Variants in COL6A6 observed in about 807,000 individuals in gnomAD.
COL6A6 encodes the protein collagen type VI alpha 6 chain.
Under a neutral mutation model 208.6 loss-of-function variants are expected in COL6A6, and 183 were observed. That is an observed-to-expected ratio of 0.88 (90% CI 0.78 to 0.99). The LOEUF (loss-of-function observed/expected upper bound fraction) is 0.99, where lower values mean the gene tolerates loss of function less well. COL6A6 is among the 50% of genes least tolerant of loss of function. The pLI, the probability that COL6A6 is intolerant of heterozygous loss-of-function variation, is 0.00. For synonymous variants in COL6A6, 973 were observed against 1,011.8 expected (o/e 0.96, Z 0.73); for missense variants, 2,816 against 2,815.2 (o/e 1.00, Z -0.01).
At chr3:130,622,584 G>A (rs908289383) in intron 24 of COL6A6, among the ~76,000 whole-genome samples, 2 of 152,114 alleles carry the variant, frequency 1.3e-5, no homozygotes, top group East Asian at 1.9e-4. Flanking sequence ...TGAGCCGGGC[G>A]TGGTGGCTCA....
chr3:130,642,243 A>ATATGTG (rs1429867274), intron 29 of COL6A6, among the ~76,000 whole-genome samples: 3 of 142,100 alleles, frequency 2.1e-5, no homozygotes, highest in African/African-American at 7.9e-5. Context: ...GACAGATTAT[A>ATATGTG]TGTGTGTGTG....
intron 23 of COL6A6, among the ~76,000 whole-genome samples, chr3:130,617,896 A>G (rs1380173605): frequency 2.6e-5 from 4 of 152,144 alleles, no homozygotes; most frequent in African/African-American, 7.2e-5. Flanking sequence ...CCCAAGTGCA[A>G]TCTCTTCTGA....
At chr3:130,612,109 G>A (rs983654529) in intron 23 of COL6A6, among the ~76,000 whole-genome samples, 5 of 152,102 alleles carry the variant, frequency 3.3e-5, no homozygotes, top group Non-Finnish European at 7.4e-5. Context: ...CAAAGGACAT[G>A]ATCTTGTTCT....
chr3:130,539,085 G>A (rs901284200), intron 1 of COL6A6, among the ~76,000 whole-genome samples: 3 of 152,148 alleles, frequency 2.0e-5, no homozygotes, highest in Admixed American at 1.3e-4. Flanking sequence ...TTTGGTGCTT[G>A]AGATTGTCTC....
At chr3:130,639,707 A>AT in intron 28 of COL6A6, among the ~76,000 whole-genome samples, 1 of 152,048 alleles carries the variant, frequency 6.6e-6, no homozygotes, top group East Asian at 1.9e-4. Flanking sequence ...AAAAAAAAAA[A>AT]AAATGACTGA....
intron 20 of COL6A6, among the ~76,000 whole-genome samples, chr3:130,604,351 C>T (rs1472576962): frequency 1.3e-5 from 2 of 152,014 alleles, no homozygotes; most frequent in African/African-American, 4.8e-5. Context: ...AAAAATTAGC[C>T]GGGCGTGGTG....
At chr3:130,605,884 C>T (rs1229891952) in intron 20 of COL6A6, among the ~76,000 whole-genome samples, 2 of 152,190 alleles carry the variant, frequency 1.3e-5, no homozygotes, top group Non-Finnish European at 2.9e-5. Context: ...GGGGAAACCC[C>T]TTATAAAATT....
chr3:130,637,979 C>G (rs1365277357), intron 28 of COL6A6, among the ~76,000 whole-genome samples: 1 of 151,992 alleles, frequency 6.6e-6, no homozygotes, highest in Non-Finnish European at 1.5e-5. Context: ...CCACTAGATT[C>G]CAGCATCAAC....
At chr3:130,578,351 C>T (rs1267142227) in intron 8 of COL6A6, among the ~76,000 whole-genome samples, 1 of 152,146 alleles carries the variant, frequency 6.6e-6, no homozygotes, top group Non-Finnish European at 1.5e-5. Flanking sequence ...ATATTCCTGC[C>T]TTAACTGGGT....
chr3:130,589,543 A>C (rs933752115), intron 12 of COL6A6, among the ~76,000 whole-genome samples: 2 of 152,218 alleles, frequency 1.3e-5, no homozygotes, highest in African/African-American at 4.8e-5. Flanking sequence ...TAATGATGGC[A>C]GAGTTATTAA....
rs531210745 is a variant in COL6A6 at position 130,536,648 on chromosome 3, T to A, written c.-32+19251T>A. On this transcript the variant is annotated intron_variant, in intron 1 of 36. Coordinates refer to ENST00000358511, the MANE Select transcript of COL6A6 (RefSeq NM_001102608.3). ...AAAGTAGCAGAAACTGTGAAGGCCC[T>A]CAGGTAGAACAAGCATGTCCTGTTC... Among the ~76,000 whole-genome samples, 307 of 152,182 alleles carry A rather than the reference T, an allele frequency of 2.0e-3. 3 individuals carry two copies. The highest frequency in any genetic ancestry group is 7.0e-3 in the African/African-American group (290 of 41,534).
intron 1 of COL6A6, among the ~76,000 whole-genome samples, chr3:130,550,003 C>T (rs183367832): frequency 6.6e-6 from 1 of 152,208 alleles, no homozygotes; most frequent in East Asian, 1.9e-4. Flanking sequence ...AGCAGCGTTT[C>T]AGAAGTCTCA....
At chr3:130,621,714 A>T in intron 23 of COL6A6, 107 bp from the exon 24 acceptor site, 1 of 887,172 alleles carries the variant, frequency 1.1e-6, no homozygotes, top group Non-Finnish European at 1.8e-6. Flanking sequence ...CGATACAGCC[A>T]TAACTCTTCT....
chr3:130,652,071 A>T (rs1211613592), intron 33 of COL6A6, among the ~76,000 whole-genome samples: 1 of 152,206 alleles, frequency 6.6e-6, no homozygotes, highest in East Asian at 1.9e-4. Flanking sequence ...CAACACTGCA[A>T]CTTATATGTG....
In COL6A6 at chr3:130,581,763, T is replaced by C; in HGVS notation, c.3750T>C (p.Tyr1250=). The C allele has an allele frequency of 6.2e-7, 1 of 1,613,926 alleles. No homozygotes were observed. Among genetic ancestry groups the C allele is most frequent in the Non-Finnish European group, 8.5e-7 (1 of 1,179,838 alleles). The change falls in exon 9 of 37, where the codon TAT becomes TAC. Residue 1250 remains tyrosine, a synonymous_variant. Transcript: ENST00000358511. ...AFQVTNAMEK[Y]SPKFEIYSEN... ...AAGTGACCAATGCCATGGAAAAATA[T>C]TCTCCCAAGTTTGAGATCTACAGTG...
rs2065362365 is a variant in COL6A6 at position 130,643,002 on chromosome 3, C to T, written c.5206C>T (p.Gln1736Ter). 1.2e-6 allele frequency: 2 copies of T among 1,613,778 alleles called. No individual in the cohort carries two copies. Among genetic ancestry groups the T allele is most frequent in the African/African-American group, 1.3e-5 (1 of 74,934 alleles). Reference sequence around the variant, plus strand: ...CGAACTGCAGACATGTGAGCTCATTCAGTATGTGCGAGACCGCAGTCGTAA... The same window carrying T: ...CGAACTGCAGACATGTGAGCTCATTTAGTATGTGCGAGACCGCAGTCGTAA... ...LASFSTCELI[Q>*]YVRDRSPGRH... Residue 1736 changes from glutamine (Q) to a stop codon, truncating the protein, a stop_gained, in exon 31 of 37, where the codon CAG becomes TAG. Coordinates refer to ENST00000358511, the MANE Select transcript of COL6A6 (RefSeq NM_001102608.3). LOFTEE classifies it high-confidence loss of function.
chr3:130,583,394 A>G (rs2063467756), intron 10 of COL6A6, among the ~76,000 whole-genome samples: 1 of 151,978 alleles, frequency 6.6e-6, no homozygotes, highest in South Asian at 2.1e-4. Flanking sequence ...GGTTGCTGTT[A>G]TTTTGTTTTC....
At chr3:130,615,501 C>CCTG (rs2064489948) in intron 23 of COL6A6, among the ~76,000 whole-genome samples, 2 of 152,124 alleles carry the variant, frequency 1.3e-5, no homozygotes, top group African/African-American at 4.8e-5. Flanking sequence ...TTCCTGCCTG[C>CCTG]ATGATCTGCC....
intron 10 of COL6A6, 68 bp from the exon 11 acceptor site, chr3:130,586,434 TTAAA>T: frequency 7.2e-7 from 1 of 1,396,210 alleles, no homozygotes; most frequent in Non-Finnish European, 9.8e-7. Flanking sequence ...GAATAACAAT[TTAAA>T]TATGCTTGCA....
Sources: gnomAD v4.1 joint callset for allele counts (sites outside exome capture counted in the v4.1 genomes callset) on GRCh38, gnomAD v4.1.1 for gene constraint, MANE v1.5 for transcripts, NCBI Gene and HGNC (gene_info 2026-07-23, HGNC 2026-07-21) for gene names.